The following PLXNA4 variants were observed in gnomAD, a reference collection of about 807,000 sequenced individuals.
PLXNA4 encodes plexin-A4.
PLXNA4 carries 44 observed loss-of-function variants against 191.8 expected under a neutral mutation model. That is an observed-to-expected ratio of 0.23 (90% CI 0.18 to 0.29). PLXNA4 has a LOEUF of 0.29. Among genes scored for constraint, PLXNA4 ranks in the 10% least tolerant of loss-of-function variants. PLXNA4 has a pLI of 1.00. For synonymous variants in PLXNA4, 1,082 were observed against 1,009.5 expected (o/e 1.07, Z -1.36); for missense variants, 1,800 against 2,488.8 (o/e 0.72, Z 5.89).
intron 30 of PLXNA4, 78 bp downstream of exon 30, chr7:132,140,521 T>C (rs1380023167): frequency 6.4e-7 from 1 of 1,551,076 alleles, no homozygotes; most frequent in Non-Finnish European, 8.7e-7. Flanking sequence ...TGGTTTTTGA[T>C]GGGGAGGGGA....
intron 25 of PLXNA4, among the ~76,000 whole-genome samples, chr7:132,151,290 GGAA>G (rs1292617482): frequency 1.6e-4 from 9 of 57,542 alleles, no homozygotes; most frequent in Non-Finnish European, 2.1e-4. Flanking sequence ...AGGAGGAGGA[GGAA>G]GAAGAAGGAG....
rs76125113 is a variant in PLXNA4, at chr7:132,609,759, C to A, written c.-87+36169G>T. ...GCTGTCTGACTCCCAGGCCTAAGTT[C>A]TTCCCGCTACACTGGGCTGCCCCCC... is the stretch of plus-strand genomic sequence containing the variant. On this transcript the variant is annotated intron_variant, in intron 2 of 4. Coordinates refer to the PLXNA4 transcript ENST00000378539. Among the ~76,000 whole-genome samples, 354 of 152,352 alleles carry A rather than the reference C, an allele frequency of 2.3e-3. 3 individuals are homozygous for A. The highest frequency in any genetic ancestry group is 8.2e-3 in the African/African-American group (341 of 41,578).
intron 23 of PLXNA4, 77 bp from the exon 24 acceptor site, chr7:132,164,365 G>T: frequency 4.5e-6 from 7 of 1,562,788 alleles, no homozygotes; most frequent in Non-Finnish European, 6.1e-6. Flanking sequence ...TTCTCCAAAG[G>T]GCTGCTTCCA....
chr7:132,489,489 AAG>A lies in PLXNA4; in HGVS notation c.1189-17_1189-16del, dbSNP rs1460224704. 1 of 1,534,844 alleles carries A rather than the reference AAG, an allele frequency of 6.5e-7. No homozygotes were observed. The highest frequency in any genetic ancestry group is 8.9e-7 in the Non-Finnish European group (1 of 1,124,254). ...ATGGTTAAGAGCTGCAAATTTTAAA[AAG>A]AGAAAAATTAGAAGGGAGCGTCAAG... is the stretch of plus-strand genomic sequence containing the variant. On this transcript the variant is annotated splice_polypyrimidine_tract_variant and intron_variant, in intron 2 of 31. Coordinates refer to ENST00000321063, the MANE Select transcript of PLXNA4 (RefSeq NM_020911.2).
At position 132,128,641 on chromosome 7, in the gene PLXNA4, C is replaced by CACACAT; in HGVS notation, c.*1837_*1838insATGTGT. 1 of 152,378 alleles carries CACACAT rather than the reference C, an allele frequency of 6.6e-6. No homozygotes were observed. The highest frequency in any genetic ancestry group is 1.5e-5 in the Non-Finnish European group (1 of 68,058). The allele number at this position is 152,378 out of a possible 1,614,324, so 9.4% of individuals were successfully genotyped here. On this transcript the variant is annotated 3_prime_UTR_variant, in exon 32 of 32. Coordinates refer to ENST00000321063, the MANE Select transcript of PLXNA4 (RefSeq NM_020911.2). ...ACACACACACATACATGTGCTCACA[C>CACACAT]ACATGTGCACATATTCATATCCAAA...
chr7:132,471,372 G>T (rs1796928246), intron 3 of PLXNA4, among the ~76,000 whole-genome samples: 1 of 152,150 alleles, frequency 6.6e-6, no homozygotes, highest in South Asian at 2.1e-4. Flanking sequence ...GTGTGAAGTT[G>T]GTAAATTTGT....
At chr7:132,451,789 C>A (rs1247517227) in intron 3 of PLXNA4, among the ~76,000 whole-genome samples, 1 of 152,248 alleles carries the variant, frequency 6.6e-6, no homozygotes, top group Non-Finnish European at 1.5e-5. Context: ...TCCTAAGCTA[C>A]CCCAGTGGCC....
At chr7:132,461,500 A>G (rs1796501811) in intron 3 of PLXNA4, among the ~76,000 whole-genome samples, 1 of 152,230 alleles carries the variant, frequency 6.6e-6, no homozygotes, top group Admixed American at 6.5e-5. Flanking sequence ...CATCTTGATG[A>G]GAATGATAAT....
intron 31 of PLXNA4, among the ~76,000 whole-genome samples, chr7:132,132,480 C>CTA (rs1165368999): frequency 0.018 from 1,106 of 61,098 alleles, 29 homozygotes; most frequent in East Asian, 0.022. Flanking sequence ...CTGCTCTGCT[C>CTA]TGCTCTGCTC....
chr7:132,272,670 A>G (rs531503822), intron 4 of PLXNA4, among the ~76,000 whole-genome samples: 2 of 152,130 alleles, frequency 1.3e-5, no homozygotes, highest in East Asian at 3.8e-4. Flanking sequence ...GTCTTCACCA[A>G]TCTCTCATCT....
intron 4 of PLXNA4, chr7:132,271,226 T>C (rs1321404054): frequency 6.6e-6 from 1 of 152,152 alleles, no homozygotes; most frequent in Non-Finnish European, 1.5e-5. Context: ...AGATCCATAG[T>C]AAACTTTGAA....
chr7:132,480,357 T>C (rs1303543223), intron 3 of PLXNA4, among the ~76,000 whole-genome samples: 1 of 151,896 alleles, frequency 6.6e-6, no homozygotes, highest in Non-Finnish European at 1.5e-5. Context: ...TGACTGGGAG[T>C]CACAAGGAGA....
At chr7:132,611,914 G>T (rs746159078) in intron 2 of PLXNA4, among the ~76,000 whole-genome samples, 4 of 152,000 alleles carry the variant, frequency 2.6e-5, no homozygotes, top group South Asian at 2.1e-4. Context: ...GAGTCCAGGG[G>T]CTCCATGAAA....
intron 3 of PLXNA4, among the ~76,000 whole-genome samples, chr7:132,424,902 A>G (rs1013149814): frequency 1.4e-4 from 22 of 152,226 alleles, no homozygotes; most frequent in Non-Finnish European, 2.9e-5. Context: ...CCCTCCACGC[A>G]TCGTCCAGCT....
chr7:132,302,225 G>A (rs1801334738), intron 3 of PLXNA4, among the ~76,000 whole-genome samples: 1 of 152,156 alleles, frequency 6.6e-6, no homozygotes, highest in African/African-American at 2.4e-5. Context: ...GTCTGGAGGA[G>A]GGAGCAGGAA....
intron 4 of PLXNA4, among the ~76,000 whole-genome samples, chr7:132,248,345 A>T (rs1175112763): frequency 6.6e-6 from 1 of 152,174 alleles, no homozygotes; most frequent in Non-Finnish European, 1.5e-5. Flanking sequence ...TGCTTTGCAG[A>T]GCCATGGGTG....
rs200493064 is a variant in PLXNA4, at chr7:132,223,543, C to T, written c.2081G>A (p.Arg694Gln). The change falls in exon 9 of 32, where the codon CGA (arginine) becomes CAA (glutamine). Residue 694 changes from arginine (R) to glutamine (Q), a missense_variant. By Grantham distance (43) the Arg-to-Gln change is conservative (BLOSUM62 1). Transcript: ENST00000321063. ...DPKTCSFQEG[R>Q]VKLPEDCPQL... ...GGGACCTACCTCGGGCAGCTTCACT[C>T]GGCCTTCCTGGAAGGAGCAGGTCTT... 221 of 1,613,074 alleles carry T rather than the reference C, an allele frequency of 1.4e-4. No individual in the cohort carries two copies. The East Asian group carries it at 4.1e-3, about 30-fold the overall frequency.
chr7:132,546,919 T>C (rs1475425159), intron 1 of PLXNA4, among the ~76,000 whole-genome samples: 1 of 152,008 alleles, frequency 6.6e-6, no homozygotes, highest in Non-Finnish European at 1.5e-5. Flanking sequence ...AAAATGAAAA[T>C]ATGCAAGTCA....
At chr7:132,380,812 C>G (rs1022267595) in intron 3 of PLXNA4, among the ~76,000 whole-genome samples, 44 of 152,352 alleles carry the variant, frequency 2.9e-4, no homozygotes, top group African/African-American at 9.4e-4. Context: ...CTCAGTAACT[C>G]TGGGTCTATG....
Sources: gnomAD v4.1 joint callset for allele counts (sites outside exome capture counted in the v4.1 genomes callset) on GRCh38, gnomAD v4.1.1 for gene constraint, MANE v1.5 for transcripts, NCBI Gene and HGNC (gene_info 2026-07-23, HGNC 2026-07-21) for gene names.